Variants in TEX10 observed in about 807,000 individuals in gnomAD.
The protein encoded by TEX10 is testis-expressed protein 10.
A neutral mutation model predicts 104.4 loss-of-function variants in TEX10; 24 were observed. The observed-to-expected ratio is 0.23, with a 90% CI of 0.17 to 0.32. The LOEUF is 0.32. Among genes scored for constraint, TEX10 ranks in the 10% least tolerant of loss-of-function variants. The pLI, the probability that TEX10 is intolerant of heterozygous loss-of-function variation, is 1.00. For synonymous variants in TEX10, 396 were observed against 393.4 expected, an observed-to-expected ratio of 1.01 and a Z score of -0.08; for missense variants, 921 against 1,083.9, an observed-to-expected ratio of 0.85 and a Z score of 2.11.
chr9:100,352,679 G>T, intron 1 of TEX10, 93 bp downstream of exon 1: 1 of 1,344,166 alleles, frequency 7.4e-7, no homozygotes, highest in Non-Finnish European at 9.5e-7. Flanking sequence ...GGCCGACCCT[G>T]CCCGCTTGGG....
intron 13 of TEX10, chr9:100,304,937 G>A (rs1834108202): frequency 1.3e-5 from 2 of 152,178 alleles, no homozygotes; most frequent in South Asian, 4.1e-4. Context: ...AAAATGACAA[G>A]TGGGCCCTAA....
chr9:100,346,968 A>T lies in TEX10; in HGVS notation c.619T>A (p.Ser207Thr). The T allele has an allele frequency of 1.2e-6, 2 of 1,614,222 alleles. No individual in the cohort carries two copies. Among genetic ancestry groups the T allele is most frequent in the South Asian group, 1.1e-5 (1 of 91,086 alleles). Residue 207 changes from serine (S) to threonine (T), a missense_variant, in exon 3 of 15, where the codon TCC becomes ACC. Around this residue, in one of 3 missense-constraint regions of TEX10, gnomAD observed 753 missense variants for 868.4 expected, o/e 0.87. Transcript: ENST00000374902. ...TTAGGATTTACAGAAAGTATCCAGG[A>T]CTGGGATCTGTCTCTATTTATCAGT... Reference protein sequence around the residue: ...KGLINRDRSQSWILSVNPNRR... With the variant: ...KGLINRDRSQTWILSVNPNRR...
chr9:100,303,973 A>C, intron 13 of TEX10, 131 bp from the exon 14 acceptor site: 1 of 819,632 alleles, frequency 1.2e-6, no homozygotes, highest in Non-Finnish European at 2.0e-6. Context: ...TGAGAGCCAA[A>C]TCAAGAACGC....
chr9:100,336,925 G>T (rs1203310298), intron 5 of TEX10, among the ~76,000 whole-genome samples: 1 of 152,128 alleles, frequency 6.6e-6, no homozygotes, highest in African/African-American at 2.4e-5. Context: ...GGTCACACTG[G>T]CAATCCATCT....
chr9:100,304,014 C>G (rs1243516028), intron 13 of TEX10, 172 bp from the exon 14 acceptor site: 1 of 633,120 alleles, frequency 1.6e-6, no homozygotes, highest in African/African-American at 1.8e-5. Context: ...CACACACACA[C>G]TAAATACCTA....
intron 11 of TEX10, among the ~76,000 whole-genome samples, chr9:100,314,084 TTTTTC>T: frequency 8.6e-6 from 1 of 116,306 alleles, no homozygotes; most frequent in Middle Eastern, 4.8e-3. Context: ...TCTTTGGAGA[TTTTTC>T]TTTTTTTTTT....
intron 1 of TEX10, chr9:100,352,354 A>G (rs1835475331): frequency 6.4e-7 from 1 of 1,550,928 alleles, no homozygotes; most frequent in Admixed American, 2.0e-5. Context: ...AGAGGACGGA[A>G]CAGGGGACGC....
At position 100,346,129 on chromosome 9, in the gene TEX10, A is replaced by G; in HGVS notation, c.1080T>C (p.Leu360=). The G allele has an allele frequency of 1.2e-6, 2 of 1,614,014 alleles. No individual in the cohort carries two copies. The highest frequency in any genetic ancestry group is 1.7e-6 in the Non-Finnish European group (2 of 1,179,930). Residue 360 remains leucine (L), a synonymous_variant, in exon 4 of 15, where the codon CTT becomes CTC. Transcript: ENST00000374902. ...REPLQVMQQV[L]NIISLLWKLS... is the part of the protein sequence containing the mutation. ...GTTTCCACAGAAGGGAAATAATATT[A>G]AGAACTTGCTGCATAACCTGTAGAG...
At chr9:100,344,728 C>T (rs1334253324) in intron 4 of TEX10, among the ~76,000 whole-genome samples, 1 of 152,292 alleles carries the variant, frequency 6.6e-6, no homozygotes, top group Non-Finnish European at 1.5e-5. Flanking sequence ...CACCTGTAAG[C>T]CTAGCTACTC....
chr9:100,326,545 C>T, intron 8 of TEX10, 66 bp from the exon 9 acceptor site: 1 of 1,471,148 alleles, frequency 6.8e-7, no homozygotes, highest in Non-Finnish European at 9.1e-7. Flanking sequence ...ATTAATAAAG[C>T]AGATCAATGA....
rs376663845 is a variant in TEX10, at chr9:100,303,712, G to A, written c.2596C>T (p.Leu866=). ...CTGAGGGGTGCATGCTGAAGCAGCA[G>A]TCGAAGCAGCTGGCCCACAACAGGC... ...ELPVVGQLLR[L]LLQHAPLRTH... Residue 866 remains leucine, a synonymous_variant, in exon 14 of 15, where the codon CTG becomes TTG. Transcript: ENST00000374902. 7.4e-5 allele frequency: 119 copies of A among 1,614,052 alleles called. 2 individuals carry two copies. In the Middle Eastern group the frequency reaches 2.3e-3, roughly 31 times the overall value.
chr9:100,307,353 T>A (rs1481163805), intron 13 of TEX10: 1 of 152,234 alleles, frequency 6.6e-6, no homozygotes, highest in Non-Finnish European at 1.5e-5. Flanking sequence ...ACCGTGGTAG[T>A]GCTGAGTAGC....
chr9:100,352,649 G>C (rs906894773), intron 1 of TEX10, 123 bp downstream of exon 1: 6 of 1,432,554 alleles, frequency 4.2e-6, no homozygotes, highest in African/African-American at 1.4e-5. Flanking sequence ...GCCCAGACCC[G>C]GGGGACGCAA....
chr9:100,320,502 T>C, intron 10 of TEX10, 104 bp from the exon 11 acceptor site: 2 of 1,277,990 alleles, frequency 1.6e-6, no homozygotes, highest in South Asian at 3.7e-5. Flanking sequence ...GAACATTCTT[T>C]AAGCTACCTT....
intron 1 of TEX10, among the ~76,000 whole-genome samples, chr9:100,351,204 A>G (rs1218868254): frequency 6.6e-6 from 1 of 152,048 alleles, no homozygotes; most frequent in East Asian, 1.9e-4. Context: ...AAGAAGTTGA[A>G]AAGGGATTCA....
In TEX10 at chr9:100,337,912, C is replaced by CT. The variant is rs1835052569; in HGVS notation, c.1250+2344dup. ...AGTTATCTGTCTCTTCCTATGAATTCTTATAGCACTTAGTTGTATAGTTCT... is the reference window on the plus strand; with the variant it reads ...AGTTATCTGTCTCTTCCTATGAATTCTTTATAGCACTTAGTTGTATAGTTCT... On this transcript the variant is annotated intron_variant, in intron 5 of 14. Coordinates refer to ENST00000374902, the MANE Select transcript of TEX10 (RefSeq NM_017746.4). Among the ~76,000 whole-genome samples the CT allele has an allele frequency of 2.0e-5, 3 of 152,128 alleles. No individual in the cohort carries two copies. In the East Asian group the frequency reaches 5.8e-4, roughly 29 times the overall value.
intron 13 of TEX10, chr9:100,306,770 C>G (rs1042843782): frequency 3.3e-5 from 5 of 152,162 alleles, no homozygotes; most frequent in Admixed American, 2.6e-4. Flanking sequence ...ATAGAATACC[C>G]CTACAACTGG....
intron 13 of TEX10, chr9:100,307,720 T>C (rs1834177484): frequency 6.6e-6 from 1 of 152,134 alleles, no homozygotes; most frequent in African/African-American, 2.4e-5. Flanking sequence ...ACAGTATATG[T>C]GCTGATGATA....
At chr9:100,311,450 C>G (rs1260542229) in intron 11 of TEX10, among the ~76,000 whole-genome samples, 1 of 152,122 alleles carries the variant, frequency 6.6e-6, no homozygotes, top group African/African-American at 2.4e-5. Flanking sequence ...TTTCTGTTTC[C>G]TAAAGAACCT....
Sources: allele counts gnomAD v4.1 joint callset (sites outside exome capture counted in the v4.1 genomes callset), GRCh38; gene constraint gnomAD v4.1.1; regional missense constraint gnomAD v4.1.1; transcripts MANE v1.5; gene names NCBI Gene and HGNC (gene_info 2026-07-23, HGNC 2026-07-21).